The following ABCB11 variants were observed in gnomAD, a reference collection of about 807,000 sequenced individuals.
ABCB11 encodes the protein ATP binding cassette subfamily B member 11.
ABCB11 carries 95 observed loss-of-function variants against 148.0 expected under a neutral mutation model. The observed-to-expected ratio is 0.64, with a 90% CI of 0.54 to 0.76. ABCB11 has a LOEUF of 0.76. Among genes scored for constraint, ABCB11 ranks in the 30% least tolerant of loss-of-function variants. The pLI, the probability that ABCB11 is intolerant of heterozygous loss-of-function variation, is 0.00. For missense variants in ABCB11, 1,523 were observed against 1,617.8 expected, an observed-to-expected ratio of 0.94 and a Z score of 1.01; for synonymous variants, 591 against 555.4, an observed-to-expected ratio of 1.06 and a Z score of -0.90.
chr2:168,918,842 G>T (rs538209889), downstream of ABCB11, among the ~76,000 whole-genome samples: 2 of 152,190 alleles, frequency 1.3e-5, no homozygotes, highest in East Asian at 1.9e-4. Flanking sequence ...TTCTGGTGAT[G>T]TATCTTTCAA....
Position 168,975,734 on chromosome 2 carries a change from CAA to C in ABCB11, c.1308+841_1308+842del, listed in dbSNP as rs896115577. On this transcript the variant is annotated intron_variant, in intron 12 of 27. Coordinates refer to ENST00000650372, the MANE Select transcript of ABCB11 (RefSeq NM_003742.4). Reference sequence around the variant, plus strand: ...TTCTCTCTGTATATATTCATATATTCAAAGAGAGAATGATATATATATCATAT... The same window carrying C: ...TTCTCTCTGTATATATTCATATATTCAGAGAGAATGATATATATATCATAT... Among the ~76,000 whole-genome samples the C allele has an allele frequency of 4.3e-4, 61 of 142,134 alleles. 1 individual carries two copies. Among genetic ancestry groups the C allele is most frequent in the Middle Eastern group, 4.4e-3 (1 of 228 alleles). 93.2% of individuals were successfully genotyped at this position (142,134 alleles called of 152,430 possible). A position where few individuals can be genotyped will look rare whatever the true frequency, so the allele number is the denominator to read the frequency against.
Position 168,996,656 on chromosome 2 carries a change from T to C in ABCB11, c.456A>G (p.Val152=). 6.4e-7 allele frequency: 1 copy of C among 1,565,058 alleles called. No individual in the cohort carries two copies. Among genetic ancestry groups the C allele is most frequent in the Non-Finnish European group, 8.7e-7 (1 of 1,152,080 alleles). Residue 152 remains valine (V), a synonymous_variant, in exon 6 of 28, where the codon GTA becomes GTG. Transcript: ENST00000650372. ...ASYYAGIAVA[V]LITGYIQICF... ...TAACTTGAATATATCCTGTGATAAGTACTGCGACAGCAATTCCAGCATAGT... is the reference window on the plus strand; with the variant it reads ...TAACTTGAATATATCCTGTGATAAGCACTGCGACAGCAATTCCAGCATAGT...
intron 17 of ABCB11, among the ~76,000 whole-genome samples, chr2:168,966,817 C>T (rs1256561019): frequency 7.2e-5 from 11 of 151,814 alleles, no homozygotes; most frequent in Non-Finnish European, 1.5e-5. Flanking sequence ...CTCAAATGTA[C>T]AAATCTTTCT....
At position 168,932,483 on chromosome 2, in the gene ABCB11, G is replaced by A; in HGVS notation, c.3107C>T (p.Ser1036Phe). ...LSATALGRAF[S>F]YTPSYAKAKI... ...AGCTTTTGCATAACTTGGGGTGTAAGAGAAGGCTCTTCCAAGAGCTGTTGC... is the reference window on the plus strand; with the variant it reads ...AGCTTTTGCATAACTTGGGGTGTAAAAGAAGGCTCTTCCAAGAGCTGTTGC... The change falls in exon 24 of 28, where the codon TCT becomes TTT. Residue 1036 changes from serine (S) to phenylalanine (F), a missense_variant. Transcript: ENST00000650372. 1 of 1,613,662 alleles carries A rather than the reference G, an allele frequency of 6.2e-7. No individual in the cohort carries two copies. The highest frequency in any genetic ancestry group is 8.5e-7 in the Non-Finnish European group (1 of 1,179,778).
At chr2:168,994,020 G>A (rs1694633930) in intron 7 of ABCB11, 138 bp from the exon 8 acceptor site, 2 of 710,686 alleles carry the variant, frequency 2.8e-6, no homozygotes, top group South Asian at 4.3e-5. Context: ...CAGCCTCTCA[G>A]ATCTTGGAAA....
intron 18 of ABCB11, among the ~76,000 whole-genome samples, chr2:168,961,861 A>G (rs1432298131): frequency 6.6e-6 from 1 of 151,694 alleles, no homozygotes; most frequent in African/African-American, 2.4e-5. Flanking sequence ...GACCTTTAGC[A>G]CCGTAAGAGA....
chr2:168,985,248 T>G (rs540209479), intron 10 of ABCB11, among the ~76,000 whole-genome samples: 1 of 152,170 alleles, frequency 6.6e-6, no homozygotes, highest in South Asian at 2.1e-4. Flanking sequence ...CAAAACATAA[T>G]AGATGTTGGC....
At chr2:169,024,536 C>CATTATTAGTATTA (rs199867521) in intron 1 of ABCB11, among the ~76,000 whole-genome samples, 2 of 147,958 alleles carry the variant, frequency 1.4e-5, no homozygotes, top group African/African-American at 4.9e-5. Flanking sequence ...TAATGTCTTA[C>CATTATTAGTATTA]ATTAGTATTA....
intron 18 of ABCB11, among the ~76,000 whole-genome samples, chr2:168,962,020 T>C (rs1693101631): frequency 6.6e-6 from 1 of 151,758 alleles, no homozygotes; most frequent in South Asian, 2.1e-4. Flanking sequence ...TACCATATAA[T>C]GTTACTTGAG....
chr2:169,025,727 C>CA (rs1254398433), intron 1 of ABCB11, among the ~76,000 whole-genome samples: 2 of 152,298 alleles, frequency 1.3e-5, no homozygotes, highest in Admixed American at 1.3e-4. Flanking sequence ...TTCTAAAAGG[C>CA]AAAAATCCAT....
chr2:168,982,322 G>T (rs1052770295), intron 10 of ABCB11, among the ~76,000 whole-genome samples: 22 of 152,034 alleles, frequency 1.4e-4, no homozygotes, highest in Non-Finnish European at 7.4e-5. Context: ...ATTTTTAAGT[G>T]GTAGTATAAT....
At chr2:168,936,133 A>T (rs1433850246) in intron 22 of ABCB11, 97 bp downstream of exon 22, 1 of 1,217,970 alleles carries the variant, frequency 8.2e-7, no homozygotes, top group Non-Finnish European at 1.1e-6. Flanking sequence ...TTGTGGGCTG[A>T]CAGCTTCCTT....
At chr2:168,949,451 G>A (rs1231549191) in intron 19 of ABCB11, among the ~76,000 whole-genome samples, 5 of 151,476 alleles carry the variant, frequency 3.3e-5, no homozygotes, top group African/African-American at 1.2e-4. Context: ...AGAACATGTG[G>A]CATCTGATTT....
At chr2:168,962,284 A>G (rs1259326248) in intron 18 of ABCB11, among the ~76,000 whole-genome samples, 2 of 151,772 alleles carry the variant, frequency 1.3e-5, no homozygotes, top group South Asian at 2.1e-4. Context: ...GCTGGCCTAC[A>G]TATAACTGAG....
At chr2:168,982,775 AGAGC>A (rs1196406482) in intron 10 of ABCB11, among the ~76,000 whole-genome samples, 1 of 152,080 alleles carries the variant, frequency 6.6e-6, no homozygotes, top group Non-Finnish European at 1.5e-5. Context: ...CCTGAGAGAG[AGAGC>A]GAGCGAGAGA....
chr2:168,962,228 C>T (rs1170108985), intron 18 of ABCB11, among the ~76,000 whole-genome samples: 2 of 151,682 alleles, frequency 1.3e-5, no homozygotes, highest in African/African-American at 4.8e-5. Context: ...TCCTTTCTAT[C>T]TCCCTTAACT....
chr2:168,956,519 T>C (rs1006575483), intron 19 of ABCB11, among the ~76,000 whole-genome samples: 3 of 151,682 alleles, frequency 2.0e-5, no homozygotes, highest in East Asian at 2.0e-4. Context: ...TTTGGGTTCA[T>C]GCAGTAGTGT....
chr2:168,953,119 G>T (rs1692640635), intron 19 of ABCB11, among the ~76,000 whole-genome samples: 1 of 151,560 alleles, frequency 6.6e-6, no homozygotes, highest in Non-Finnish European at 1.5e-5. Flanking sequence ...CTTGTTTTGT[G>T]GCCTAATATC....
intron 17 of ABCB11, among the ~76,000 whole-genome samples, 154 bp from the exon 18 acceptor site, chr2:168,964,462 A>ACAGAGCTAATCTTAGGG (rs1425480331): frequency 3.3e-5 from 5 of 151,762 alleles, no homozygotes; most frequent in Non-Finnish European, 5.9e-5. Context: ...GTTAGGTTTG[A>ACAGAGCTAATCTTAGGG]CAGAGCTAAT....
Sources: allele counts gnomAD v4.1 joint callset (sites outside exome capture counted in the v4.1 genomes callset), GRCh38; gene constraint gnomAD v4.1.1; transcripts MANE v1.5; gene names NCBI Gene and HGNC (gene_info 2026-07-23, HGNC 2026-07-21).